Variants in DNAJB14 observed in about 807,000 individuals in gnomAD.
The protein encoded by DNAJB14 is dnaJ homolog subfamily B member 14.
DNAJB14 carries 22 observed loss-of-function variants against 48.4 expected under a neutral mutation model. The observed-to-expected ratio is 0.45, with a 90% CI of 0.32 to 0.65. The LOEUF (loss-of-function observed/expected upper bound fraction) is 0.65. DNAJB14 is among the 30% of genes least tolerant of loss of function. DNAJB14 has a pLI of 0.03. For synonymous variants in DNAJB14, 142 were observed against 158.7 expected, an observed-to-expected ratio of 0.89 and a Z score of 0.79; for missense variants, 319 against 458.8, an observed-to-expected ratio of 0.70 and a Z score of 2.78.
chr4:99,911,306 C>T (rs1725651469), intron 3 of DNAJB14, among the ~76,000 whole-genome samples: 1 of 152,070 alleles, frequency 6.6e-6, no homozygotes, highest in African/African-American at 2.4e-5. Flanking sequence ...TGAATAACAT[C>T]TAGTTTTTTT....
At chr4:99,929,201 C>G (rs1014417798) in intron 2 of DNAJB14, 3 of 152,194 alleles carry the variant, frequency 2.0e-5, no homozygotes, top group Non-Finnish European at 4.4e-5. Flanking sequence ...CAAGTGATTC[C>G]TCAGCCTCAG....
At chr4:99,939,056 G>C (rs1010865266) in intron 1 of DNAJB14, among the ~76,000 whole-genome samples, 1 of 152,074 alleles carries the variant, frequency 6.6e-6, no homozygotes, top group Non-Finnish European at 1.5e-5. Context: ...GGTTATATAT[G>C]TTTAATATTT....
Position 99,908,773 on chromosome 4 carries a change from C to G in DNAJB14, c.575G>C (p.Cys192Ser), listed in dbSNP as rs374336347. The change falls in exon 4 of 8, where the codon TGT (cysteine) becomes TCT (serine). Residue 192 changes from cysteine to serine, a missense_variant. Coordinates refer to ENST00000442697, the MANE Select transcript of DNAJB14 (RefSeq NM_001031723.4). Reference sequence around the variant, plus strand: ...GTCTTCTGGAGTTATATCAGCTTCACAACCTCTATGGAAATTAAATCTGCC... The same window carrying G: ...GTCTTCTGGAGTTATATCAGCTTCAGAACCTCTATGGAAATTAAATCTGCC... ...NNGRFNFHRG[C>S]EADITPEDLF... The G allele has an allele frequency of 6.2e-6, 10 of 1,611,718 alleles. No individual in the cohort carries two copies. Among genetic ancestry groups the G allele is most frequent in the Non-Finnish European group, 8.5e-6 (10 of 1,178,862 alleles).
At position 99,896,782 on chromosome 4, in the gene DNAJB14, A is replaced by G. The variant is rs1346214984; in HGVS notation, c.*4246T>C. The G allele has an allele frequency of 1.3e-5, 2 of 152,174 alleles. No homozygotes were observed. Among genetic ancestry groups the G allele is most frequent in the African/African-American group, 4.8e-5 (2 of 41,454 alleles). 9.4% of individuals were successfully genotyped at this position (152,174 alleles called of 1,614,324 possible). On this transcript the variant is annotated 3_prime_UTR_variant, in exon 8 of 8. Coordinates refer to ENST00000442697, the MANE Select transcript of DNAJB14 (RefSeq NM_001031723.4). ...GATTTTAATGGTGTCCTTAAATGGC[A>G]AAGTAGAATATCAGACTGAAATGTA...
At chr4:99,907,450 G>A (rs1725506817) in intron 4 of DNAJB14, among the ~76,000 whole-genome samples, 1 of 152,040 alleles carries the variant, frequency 6.6e-6, no homozygotes, top group South Asian at 2.1e-4. Flanking sequence ...TAAGGTGGGA[G>A]GATTGCTTGA....
intron 7 of DNAJB14, 112 bp from the exon 8 acceptor site, chr4:99,901,264 TA>T: frequency 6.0e-6 from 6 of 993,030 alleles, no homozygotes; most frequent in Non-Finnish European, 8.2e-6. Flanking sequence ...TTAACTGACT[TA>T]AAAAAAATCA....
chr4:99,937,715 G>A (rs2110222238), intron 1 of DNAJB14, among the ~76,000 whole-genome samples: 1 of 151,694 alleles, frequency 6.6e-6, no homozygotes, highest in Non-Finnish European at 1.5e-5. Context: ...GACAAAGTGA[G>A]ACTCAAAAAA....
chr4:99,933,170 G>A (rs190048224), intron 1 of DNAJB14, among the ~76,000 whole-genome samples: 2 of 151,346 alleles, frequency 1.3e-5, no homozygotes, highest in African/African-American at 4.8e-5. Context: ...TCTCAATAAA[G>A]CATGTATATA....
Position 99,908,875 on chromosome 4 carries a change from A to G in DNAJB14, c.473T>C (p.Val158Ala), listed in dbSNP as rs945897064. 6.3e-6 allele frequency: 10 copies of G among 1,587,920 alleles called. No homozygotes were observed. Among genetic ancestry groups the G allele is most frequent in the Non-Finnish European group, 8.5e-7 (1 of 1,169,746 alleles). Residue 158 changes from valine (V) to alanine (A), a missense_variant, in exon 4 of 8, where the codon GTT becomes GCT. Around this residue, in one of 3 missense-constraint regions of DNAJB14, gnomAD observed 37 missense variants for 87.8 expected, o/e 0.42. Transcript: ENST00000442697. The stretch of plus-strand genomic sequence containing the variant: ...TTTTCGCTTTTCTGGATTACTTAAA[A>G]CAGCATAAGCATTTCCAATCTCTGA... ...AFKKIGNAYAVLSNPEKRKQY... is the reference protein window; with the variant it reads ...AFKKIGNAYAALSNPEKRKQY...
intron 3 of DNAJB14, among the ~76,000 whole-genome samples, chr4:99,914,586 A>G (rs1002096033): frequency 6.6e-6 from 1 of 152,194 alleles, no homozygotes; most frequent in Non-Finnish European, 1.5e-5. Flanking sequence ...TGGCACATGT[A>G]TACATATGTA....
At chr4:99,939,486 C>T (rs915681572) in intron 1 of DNAJB14, among the ~76,000 whole-genome samples, 6 of 152,364 alleles carry the variant, frequency 3.9e-5, no homozygotes, top group African/African-American at 1.4e-4. Flanking sequence ...AACATGTTCT[C>T]CCATGGTTCC....
intron 3 of DNAJB14, among the ~76,000 whole-genome samples, chr4:99,911,811 C>T (rs542189538): frequency 1.2e-4 from 18 of 152,204 alleles, no homozygotes; most frequent in South Asian, 4.1e-4. Context: ...TTGTCAAATA[C>T]GTGCCTGGCA....
At chr4:99,926,008 T>C (rs139595512) in intron 2 of DNAJB14, 4 of 152,306 alleles carry the variant, frequency 2.6e-5, no homozygotes, top group African/African-American at 7.2e-5. Flanking sequence ...TCTTACCTCC[T>C]AGATCTTTGC....
At chr4:99,918,003 T>C (rs1357586953) in intron 3 of DNAJB14, among the ~76,000 whole-genome samples, 1 of 152,176 alleles carries the variant, frequency 6.6e-6, no homozygotes, top group Non-Finnish European at 1.5e-5. Context: ...ATCTATAGGC[T>C]TCTATCTTTT....
intron 1 of DNAJB14, among the ~76,000 whole-genome samples, chr4:99,939,659 A>G (rs1167687407): frequency 6.6e-6 from 1 of 152,232 alleles, no homozygotes; most frequent in African/African-American, 2.4e-5. Flanking sequence ...ATGAGCTCAT[A>G]CTACACAGTC....
At chr4:99,923,737 T>C (rs72684379) in intron 2 of DNAJB14, 119,296 of 965,674 alleles carry the variant, frequency 0.12, 7,955 homozygotes, top group Middle Eastern at 0.14. Flanking sequence ...GGTCTTGTTA[T>C]GTTGGGGCTG....
chr4:99,906,401 C>T (rs1239583010), intron 5 of DNAJB14, 116 bp downstream of exon 5: 12 of 1,084,354 alleles, frequency 1.1e-5, no homozygotes, highest in Non-Finnish European at 1.6e-5. Context: ...TACCAAACAC[C>T]TCTAGTAAGA....
intron 1 of DNAJB14, among the ~76,000 whole-genome samples, chr4:99,939,367 A>T (rs545490583): frequency 6.6e-6 from 1 of 152,318 alleles, no homozygotes; most frequent in East Asian, 1.9e-4. Context: ...ATCTCAAAAA[A>T]TTTTTTTAAA....
rs1553944897 is a variant in DNAJB14 at position 99,897,201 on chromosome 4, A to AAAAAAT, written c.*3826_*3827insATTTTT. 7.5e-6 allele frequency: 1 copy of AAAAAAT among 133,848 alleles called. No individual in the cohort carries two copies. The highest frequency in any genetic ancestry group is 2.8e-5 in the African/African-American group (1 of 35,294). 8.3% of individuals were successfully genotyped at this position (133,848 alleles called of 1,614,324 possible). A position where few individuals can be genotyped will look rare whatever the true frequency, so the allele number is the denominator to read the frequency against. ...TAATTAGCTGGGAAAAAAAAAAAAA[A>AAAAAAT]ATATATATATATATATATACACCTA... On this transcript the variant is annotated 3_prime_UTR_variant, in exon 8 of 8. Coordinates refer to ENST00000442697, the MANE Select transcript of DNAJB14 (RefSeq NM_001031723.4).
Sources: allele counts gnomAD v4.1 joint callset (sites outside exome capture counted in the v4.1 genomes callset), GRCh38; gene constraint gnomAD v4.1.1; regional missense constraint gnomAD v4.1.1; transcripts MANE v1.5; gene names NCBI Gene and HGNC (gene_info 2026-07-23, HGNC 2026-07-21).